Variants in HSPA4L observed in about 807,000 individuals in gnomAD.
HSPA4L encodes the protein heat shock 70 kDa protein 4L.
HSPA4L carries 48 observed loss-of-function variants against 100.3 expected under a neutral mutation model. The ratio of observed to expected loss-of-function variants is 0.48; its 90% CI spans 0.38 to 0.61. HSPA4L has a LOEUF of 0.61. HSPA4L is among the 20% of genes least tolerant of loss of function. HSPA4L has a pLI of 0.00. For missense variants in HSPA4L, 886 were observed against 988.6 expected (o/e 0.90, Z 1.39); for synonymous variants, 319 against 328.2 (o/e 0.97, Z 0.30).
intron 13 of HSPA4L, 60 bp downstream of exon 13, chr4:127,818,480 T>C (rs1004180022): frequency 2.9e-6 from 3 of 1,050,268 alleles, no homozygotes; most frequent in Non-Finnish European, 4.3e-6. Context: ...AATTATTGTA[T>C]TTAATGCTTT....
At chr4:127,793,969 T>C in intron 1 of HSPA4L, 108 bp from the exon 2 acceptor site, 1 of 638,780 alleles carries the variant, frequency 1.6e-6, no homozygotes, top group Non-Finnish European at 2.6e-6. Context: ...TAAAATAATA[T>C]ATGGTTATAT....
chr4:127,796,305 A>G lies in HSPA4L; in HGVS notation c.306+397A>G, dbSNP rs934872722. Reference sequence around the variant, plus strand: ...TCTTATACTATAAATGTTAAAGCATACTTTTCTTCCAAGTAAGAGATGGAT... The same window carrying G: ...TCTTATACTATAAATGTTAAAGCATGCTTTTCTTCCAAGTAAGAGATGGAT... On this transcript the variant is annotated intron_variant, in intron 3 of 18. Transcript: ENST00000296464. Among the ~76,000 whole-genome samples the G allele has an allele frequency of 2.0e-5, 3 of 152,182 alleles. 1 individual carries two copies. Among genetic ancestry groups the G allele is most frequent in the Non-Finnish European group, 4.4e-5 (3 of 67,996 alleles).
intron 12 of HSPA4L, chr4:127,813,146 A>G (rs1278466299): frequency 2.8e-6 from 4 of 1,425,436 alleles, no homozygotes; most frequent in Non-Finnish European, 3.9e-6. Context: ...TGTTTTCTAA[A>G]AGGCCTAGAG....
At chr4:127,820,706 T>A (rs1733789192) in intron 14 of HSPA4L, 141 bp downstream of exon 14, 1 of 732,048 alleles carries the variant, frequency 1.4e-6, no homozygotes. Context: ...AACTATTTTT[T>A]ACAAAATACT....
At chr4:127,825,463 AAAG>A (rs1444009087) in intron 16 of HSPA4L, among the ~76,000 whole-genome samples, 1 of 152,172 alleles carries the variant, frequency 6.6e-6, no homozygotes, top group East Asian at 1.9e-4. Context: ...AAGGTGTGCA[AAAG>A]AAGTTACTCA....
At chr4:127,793,179 A>G (rs570114464) in intron 1 of HSPA4L, among the ~76,000 whole-genome samples, 2 of 152,338 alleles carry the variant, frequency 1.3e-5, no homozygotes, top group Non-Finnish European at 1.5e-5. Flanking sequence ...ACAGACTTAC[A>G]TACCTATATA....
At chr4:127,814,897 T>C (rs1288843697) in intron 12 of HSPA4L, among the ~76,000 whole-genome samples, 1 of 152,196 alleles carries the variant, frequency 6.6e-6, no homozygotes, top group Admixed American at 6.5e-5. Context: ...TCTAGGATTT[T>C]TCTCTTTAAT....
At chr4:127,824,025 A>C (rs1422470440) in intron 16 of HSPA4L, among the ~76,000 whole-genome samples, 1 of 152,212 alleles carries the variant, frequency 6.6e-6, no homozygotes, top group Non-Finnish European at 1.5e-5. Flanking sequence ...ATCCCCTGAT[A>C]ACCACCAATT....
chr4:127,830,965 C>T (rs1001536079), intron 18 of HSPA4L, among the ~76,000 whole-genome samples, 166 bp downstream of exon 18: 1 of 151,792 alleles, frequency 6.6e-6, no homozygotes, highest in Non-Finnish European at 1.5e-5. Flanking sequence ...TGGGGTATCC[C>T]TTGATTTAAT....
chr4:127,809,967 T>C (rs1733478675), intron 11 of HSPA4L, among the ~76,000 whole-genome samples: 1 of 152,192 alleles, frequency 6.6e-6, no homozygotes, highest in African/African-American at 2.4e-5. Flanking sequence ...TAAAATATTA[T>C]TTCTGAACTC....
At chr4:127,788,641 A>AT in intron 1 of HSPA4L, among the ~76,000 whole-genome samples, 1 of 152,308 alleles carries the variant, frequency 6.6e-6, no homozygotes, top group South Asian at 2.1e-4. Context: ...ACTGGAGGTG[A>AT]TTTTGCCTCT....
chr4:127,838,712 G>GCT lies in HSPA4L; in HGVS notation c.*5839_*5840dup, dbSNP rs1325578408. 2 of 151,960 alleles carry GCT rather than the reference G, an allele frequency of 1.3e-5. No homozygotes were observed. The highest frequency in any genetic ancestry group is 4.8e-5 in the African/African-American group (2 of 41,380). The allele number at this position is 151,960 out of a possible 1,614,324, so 9.4% of individuals were successfully genotyped here. On this transcript the variant is annotated 3_prime_UTR_variant, in exon 19 of 19. Coordinates refer to ENST00000296464, the MANE Select transcript of HSPA4L (RefSeq NM_014278.4). ...ATGATCTTTGTCTTTCCTTTATCTT[G>GCT]CTTTATCCTCTTATCCAATTCTAGA...
intron 1 of HSPA4L, among the ~76,000 whole-genome samples, 196 bp from the exon 2 acceptor site, chr4:127,793,881 T>A (rs1732943577): frequency 6.6e-6 from 1 of 152,158 alleles, no homozygotes; most frequent in African/African-American, 2.4e-5. Flanking sequence ...TTTTAAAAAA[T>A]TGTAACATTT....
At chr4:127,817,601 A>G (rs1382022625) in intron 12 of HSPA4L, among the ~76,000 whole-genome samples, 3 of 152,174 alleles carry the variant, frequency 2.0e-5, no homozygotes, top group African/African-American at 7.2e-5. Context: ...TTTGGTTTTT[A>G]GACATAAAAA....
At chr4:127,791,650 A>G (rs980840749) in intron 1 of HSPA4L, among the ~76,000 whole-genome samples, 2 of 152,178 alleles carry the variant, frequency 1.3e-5, no homozygotes, top group African/African-American at 4.8e-5. Flanking sequence ...CCATCCTGAT[A>G]TAGACTACTG....
chr4:127,821,375 T>C (rs940464996), intron 14 of HSPA4L, among the ~76,000 whole-genome samples: 5 of 152,160 alleles, frequency 3.3e-5, no homozygotes, highest in Non-Finnish European at 7.4e-5. Flanking sequence ...TTTGAATGTC[T>C]CATTATTTTC....
intron 12 of HSPA4L, among the ~76,000 whole-genome samples, chr4:127,815,161 A>G (rs1290102196): frequency 6.6e-6 from 1 of 152,040 alleles, no homozygotes; most frequent in East Asian, 1.9e-4. Flanking sequence ...GGGTCAGTTT[A>G]TGAAAGACTA....
At chr4:127,786,620 C>T (rs1460960708) in intron 1 of HSPA4L, among the ~76,000 whole-genome samples, 2 of 152,256 alleles carry the variant, frequency 1.3e-5, no homozygotes, top group East Asian at 1.9e-4. Flanking sequence ...TGCATGCCAC[C>T]ATGCCACACT....
rs990066517 is a variant in HSPA4L, at chr4:127,805,120, A to G, written c.1033A>G (p.Thr345Ala). The G allele has an allele frequency of 1.2e-6, 2 of 1,612,334 alleles. No individual in the cohort carries two copies. Among genetic ancestry groups the G allele is most frequent in the African/African-American group, 1.3e-5 (1 of 74,882 alleles). ...TAGTATAGAAATTGTAGGAGGAGCA[A>G]CACGAATTCCTGCAGTGAAAGAACA... ...ISSIEIVGGA[T>A]RIPAVKEQIT... Residue 345 changes from threonine to alanine, a missense_variant, in exon 9 of 19, where the codon ACA becomes GCA. Thr to Ala is a moderately conservative substitution (Grantham distance 58). Transcript: ENST00000296464.
Sources: allele counts gnomAD v4.1 joint callset (sites outside exome capture counted in the v4.1 genomes callset), GRCh38; gene constraint gnomAD v4.1.1; transcripts MANE v1.5; gene names NCBI Gene and HGNC (gene_info 2026-07-23, HGNC 2026-07-21).